Variants in ANKS1B observed in about 807,000 individuals in gnomAD.
The protein encoded by ANKS1B is ankyrin repeat and sterile alpha motif domain containing 1B.
Under a neutral mutation model 148.3 loss-of-function variants are expected in ANKS1B, and 36 were observed. That is an observed-to-expected ratio of 0.24 (90% CI 0.19 to 0.32). ANKS1B has a LOEUF of 0.32. Ranked by LOEUF, ANKS1B falls within the 10% of genes least tolerant of loss-of-function variation. The pLI is 1.00. For missense variants in ANKS1B, 1,157 were observed against 1,542.6 expected, an observed-to-expected ratio of 0.75 and a Z score of 4.19; for synonymous variants, 542 against 560.8, an observed-to-expected ratio of 0.97 and a Z score of 0.47.
intron 8 of ANKS1B, among the ~76,000 whole-genome samples, chr12:99,693,487 A>T (rs2053433206): frequency 6.6e-6 from 1 of 152,198 alleles, no homozygotes. Context: ...TTTGTTTTGT[A>T]TGGTTGGCGG....
Position 99,406,637 on chromosome 12 carries a change from C to T in ANKS1B, c.1576-6826G>A, listed in dbSNP as rs79434378. Among the ~76,000 whole-genome samples, 1,254 of 144,804 alleles carry T rather than the reference C, an allele frequency of 8.7e-3. 192 individuals are homozygous for T. The highest frequency in any genetic ancestry group is 0.031 in the African/African-American group (1,195 of 38,212). The allele number at this position is 144,804 out of a possible 152,430, so 95.0% of individuals were successfully genotyped here. A position where few individuals can be genotyped will look rare whatever the true frequency, so the allele number is the denominator to read the frequency against. ...ACAAGAAAGGCAAGAGAAAACCATA[C>T]CCAAAGTTAGAAGAAAAGAAATAAT... On this transcript the variant is annotated intron_variant, in intron 11 of 26. Coordinates refer to ENST00000683438, the MANE Select transcript of ANKS1B (RefSeq NM_001352186.2).
In ANKS1B at chr12:98,744,293, TA is replaced by T; in HGVS notation, c.*1445del. 3 of 934,436 alleles carry T rather than the reference TA, an allele frequency of 3.2e-6. No individual in the cohort carries two copies. Among genetic ancestry groups the T allele is most frequent in the Non-Finnish European group, 3.8e-6 (3 of 783,168 alleles). The allele number at this position is 934,436 out of a possible 1,614,324, so 57.9% of individuals were successfully genotyped here. A position where few individuals can be genotyped will look rare whatever the true frequency, so the allele number is the denominator to read the frequency against. On this transcript the variant is annotated 3_prime_UTR_variant, in exon 27 of 27. Coordinates refer to ENST00000683438, the MANE Select transcript of ANKS1B (RefSeq NM_001352186.2). ...ACCGTATACATTTGTTAGTTTGAAA[TA>T]AAATGTAGTTATTCTTCAAAACTCA...
At chr12:98,964,391 G>T (rs1413828221) in intron 17 of ANKS1B, among the ~76,000 whole-genome samples, 1 of 152,150 alleles carries the variant, frequency 6.6e-6, no homozygotes, top group East Asian at 1.9e-4. Flanking sequence ...CAGTTTGGAG[G>T]TTCCTTAAAA....
intron 12 of ANKS1B, among the ~76,000 whole-genome samples, chr12:99,300,925 T>C (rs1398794394): frequency 6.6e-6 from 1 of 152,162 alleles, no homozygotes; most frequent in East Asian, 1.9e-4. Flanking sequence ...GGATATTTAT[T>C]ATGGGAATTG....
chr12:98,894,736 C>T, intron 17 of ANKS1B: 1 of 985,610 alleles, frequency 1.0e-6, no homozygotes, highest in Non-Finnish European at 1.2e-6. Flanking sequence ...TAGCCGTTGC[C>T]TCTGTGCATC....
chr12:99,211,359 A>T (rs1275762642), intron 14 of ANKS1B, among the ~76,000 whole-genome samples: 2 of 152,170 alleles, frequency 1.3e-5, no homozygotes, highest in African/African-American at 4.8e-5. Context: ...ATCCCCAAAC[A>T]AGCCAGTTTT....
intron 24 of ANKS1B, among the ~76,000 whole-genome samples, chr12:98,778,636 T>C (rs1476384563): frequency 1.3e-5 from 2 of 152,142 alleles, no homozygotes; most frequent in Non-Finnish European, 2.9e-5. Context: ...ACTGCTAGAA[T>C]CTAGGTATCT....
chr12:99,095,288 G>C (rs554655592), intron 15 of ANKS1B, among the ~76,000 whole-genome samples: 1 of 152,298 alleles, frequency 6.6e-6, no homozygotes, highest in African/African-American at 2.4e-5. Flanking sequence ...GGCTGGATAA[G>C]CTAAAGTTCT....
At chr12:99,103,492 C>T (rs145778706) in intron 15 of ANKS1B, among the ~76,000 whole-genome samples, 489 of 152,210 alleles carry the variant, frequency 3.2e-3, no homozygotes, top group South Asian at 9.6e-3. Context: ...AATTGATATC[C>T]CTTATCTATG....
chr12:98,755,550 C>T (rs745672149), intron 25 of ANKS1B, among the ~76,000 whole-genome samples: 77 of 152,308 alleles, frequency 5.1e-4, no homozygotes, highest in Non-Finnish European at 9.7e-4. Flanking sequence ...CTGGAGTAAT[C>T]GTAACATTTC....
downstream of ANKS1B, among the ~76,000 whole-genome samples, chr12:98,740,963 T>C (rs759487066): frequency 7.2e-5 from 11 of 152,188 alleles, no homozygotes; most frequent in Non-Finnish European, 1.6e-4. Context: ...ATCTTGAGGC[T>C]AAAAGCCACT....
At chr12:99,263,563 T>C (rs1467332235) in intron 12 of ANKS1B, among the ~76,000 whole-genome samples, 1 of 152,142 alleles carries the variant, frequency 6.6e-6, no homozygotes, top group Non-Finnish European at 1.5e-5. Context: ...AAGAGATAGG[T>C]TGTTTTCTAA....
intron 12 of ANKS1B, among the ~76,000 whole-genome samples, chr12:99,271,223 C>T (rs1194916232): frequency 6.6e-6 from 1 of 152,140 alleles, no homozygotes; most frequent in Non-Finnish European, 1.5e-5. Context: ...CCTAGAATGC[C>T]TTTGGTTGGC....
intron 17 of ANKS1B, among the ~76,000 whole-genome samples, chr12:98,973,286 T>C (rs1036488183): frequency 4.6e-5 from 7 of 152,090 alleles, no homozygotes; most frequent in Non-Finnish European, 8.8e-5. Flanking sequence ...AAAATTAAAT[T>C]TCATTCTATG....
intron 12 of ANKS1B, among the ~76,000 whole-genome samples, chr12:99,331,742 GAT>G (rs1172007455): frequency 1.3e-5 from 2 of 152,012 alleles, no homozygotes; most frequent in African/African-American, 4.8e-5. Context: ...AAACTGGAAA[GAT>G]GGAATTTCCA....
At chr12:99,127,826 CT>C (rs1409579080) in intron 15 of ANKS1B, among the ~76,000 whole-genome samples, 1 of 152,234 alleles carries the variant, frequency 6.6e-6, no homozygotes, top group African/African-American at 2.4e-5. Flanking sequence ...TTGATTGCAT[CT>C]GCCATTTGCC....
intron 9 of ANKS1B, among the ~76,000 whole-genome samples, chr12:99,518,815 T>C (rs557082755): frequency 6.6e-6 from 1 of 152,248 alleles, no homozygotes; most frequent in Non-Finnish European, 1.5e-5. Context: ...GATGCACCAA[T>C]TGGTTGTTTA....
chr12:99,189,951 A>G (rs2080420623), intron 14 of ANKS1B, among the ~76,000 whole-genome samples: 2 of 152,214 alleles, frequency 1.3e-5, no homozygotes, highest in Admixed American at 6.5e-5. Context: ...CCATCGTCTC[A>G]GTTCAAAATC....
At chr12:99,502,008 T>C (rs1447542659) in intron 10 of ANKS1B, among the ~76,000 whole-genome samples, 1 of 152,162 alleles carries the variant, frequency 6.6e-6, no homozygotes, top group Non-Finnish European at 1.5e-5. Flanking sequence ...TCAGCCTTGT[T>C]ATCTGTGTCC....
Sources: allele counts gnomAD v4.1 joint callset (sites outside exome capture counted in the v4.1 genomes callset), GRCh38; gene constraint gnomAD v4.1.1; transcripts MANE v1.5; gene names NCBI Gene and HGNC (gene_info 2026-07-23, HGNC 2026-07-21).